The following TMPRSS9 variants were observed in gnomAD, a reference collection of about 807,000 sequenced individuals.
TMPRSS9 encodes the protein transmembrane serine protease 9, also known as transmembrane protease serine 9.
In TMPRSS9, 113 loss-of-function variants were observed where a neutral mutation model predicts 111.4. The ratio of observed to expected loss-of-function variants is 1.01; its 90% CI spans 0.87 to 1.19. The LOEUF (loss-of-function observed/expected upper bound fraction) is 1.19. TMPRSS9 is among the 50% of genes most tolerant of loss of function. TMPRSS9 has a pLI of 0.00. For missense variants in TMPRSS9, 1,803 were observed against 1,513.1 expected (o/e 1.19, Z -3.18); for synonymous variants, 805 against 659.1 (o/e 1.22, Z -3.39).
At chr19:2,408,752 G>A in intron 8 of TMPRSS9, 122 bp downstream of exon 9, 4 of 1,306,696 alleles carry the variant, frequency 3.1e-6, no homozygotes, top group East Asian at 5.0e-5. Context: ...CGAGGCGGGT[G>A]GATCACGAGG....
intron 5 of TMPRSS9, among the ~76,000 whole-genome samples, chr19:2,402,388 G>A (rs982905185): frequency 6.6e-6 from 1 of 152,108 alleles, no homozygotes; most frequent in Non-Finnish European, 1.5e-5. Flanking sequence ...GCTGCGGTGA[G>A]CTGAGATCAC....
intron 1 of TMPRSS9, among the ~76,000 whole-genome samples, chr19:2,391,029 AAGAAAGGG>A (rs751262037): frequency 1.6e-4 from 23 of 141,526 alleles, no homozygotes; most frequent in African/African-American, 2.7e-4. Context: ...GAAAGAAAGA[AAGAAAGGG>A]AGGGAGGGAG....
exon 18 of TMPRSS9, chr19:2,425,990 A>G: frequency 3.1e-6 from 5 of 1,607,136 alleles, no homozygotes; most frequent in Non-Finnish European, 3.4e-6. Flanking sequence ...AACTGGGGTC[A>G]CTAGCTGGGG....
At chr19:2,417,914 G>A (rs1318223503) in intron 12 of TMPRSS9, 88 bp from the exon 14 acceptor site, 1 of 1,529,800 alleles carries the variant, frequency 6.5e-7, no homozygotes, top group Admixed American at 1.8e-5. Flanking sequence ...GGGTGGGGAT[G>A]CTGCATCTCG....
chr19:2,376,538 CA>C (rs1970335978), intron 1 of TMPRSS9, among the ~76,000 whole-genome samples: 1 of 152,106 alleles, frequency 6.6e-6, no homozygotes, highest in South Asian at 2.1e-4. Context: ...TGGCTCACTG[CA>C]ACCTCTGCCT....
At chr19:2,371,546 A>T (rs1055493526) in intron 1 of TMPRSS9, among the ~76,000 whole-genome samples, 1 of 149,074 alleles carries the variant, frequency 6.7e-6, no homozygotes, top group Non-Finnish European at 1.5e-5. Flanking sequence ...GAAAAAAAAA[A>T]TTTAGCTGGA....
Position 2,425,144 on chromosome 19 carries a change from G to A in TMPRSS9, c.2860G>A (p.Glu954Lys), listed in dbSNP as rs536020211. The stretch of plus-strand genomic sequence containing the variant: ...GCTCGACTACGACGTGGCGCTGCTG[G>A]AGCTGGCGGGGCCGGTGCGTCGCAG... Residue 954 changes from glutamate to lysine, a missense_variant, in exon 16 of 18, where the codon GAG (glutamate) becomes AAG (lysine). Glu to Lys is a moderately conservative substitution (Grantham distance 56, BLOSUM62 1). Transcript: ENST00000648592. 1.9e-5 allele frequency: 30 copies of A among 1,579,232 alleles called. No homozygotes were observed. In the East Asian group the frequency reaches 2.3e-4, roughly 12 times the overall value.
chr19:2,414,489 C>T (rs1971175229), intron 10 of TMPRSS9, among the ~76,000 whole-genome samples: 1 of 152,088 alleles, frequency 6.6e-6, no homozygotes, highest in Non-Finnish European at 1.5e-5. Context: ...CTGCCCACCT[C>T]AGCCTCCCAA....
At chr19:2,416,913 C>T in intron 12 of TMPRSS9, 104 bp downstream of exon 13, 2 of 1,370,752 alleles carry the variant, frequency 1.5e-6, no homozygotes, top group Non-Finnish European at 1.9e-6. Flanking sequence ...ACCAATTCCA[C>T]TGCACAGGGA....
At chr19:2,387,838 G>A (rs986284567), upstream of TMPRSS9, among the ~76,000 whole-genome samples, 2 of 152,054 alleles carry the variant, frequency 1.3e-5, no homozygotes, top group Admixed American at 1.3e-4. Context: ...TGTGTGTGTC[G>A]CAGGGATGAT....
At chr19:2,403,621 C>G (rs868418910) in intron 6 of TMPRSS9, among the ~76,000 whole-genome samples, 6 of 151,828 alleles carry the variant, frequency 4.0e-5, no homozygotes, top group Middle Eastern at 3.4e-3. Context: ...CTTTGGGAGG[C>G]CAAGGCAGGA....
At chr19:2,368,184 TGGC>T (rs750832424) in intron 1 of TMPRSS9, among the ~76,000 whole-genome samples, 2 of 152,128 alleles carry the variant, frequency 1.3e-5, no homozygotes, top group Non-Finnish European at 2.9e-5. Context: ...AGACTGCACA[TGGC>T]GGCTGCGTTT....
upstream of TMPRSS9, among the ~76,000 whole-genome samples, chr19:2,385,187 GCGGGGGCGGGGC>G (rs1439424659): frequency 2.2e-3 from 282 of 127,964 alleles, 2 homozygotes; most frequent in African/African-American, 0.011. Flanking sequence ...GGCGGGGCTC[GCGGGGGCGGGGC>G]TCGAGGGGGC....
chr19:2,387,323 C>G (rs180812787), upstream of TMPRSS9, among the ~76,000 whole-genome samples: 1 of 152,192 alleles, frequency 6.6e-6, no homozygotes, highest in Non-Finnish European at 1.5e-5. Context: ...GGCAAAACCC[C>G]CTCTCTACTA....
intron 4 of TMPRSS9, among the ~76,000 whole-genome samples, chr19:2,400,740 G>C (rs1029035337): frequency 6.6e-6 from 1 of 151,568 alleles, no homozygotes; most frequent in Non-Finnish European, 1.5e-5. Flanking sequence ...TTGGGAGGCC[G>C]AGGTGGGTGG....
At chr19:2,411,432 C>CT (rs1971095512) in intron 9 of TMPRSS9, among the ~76,000 whole-genome samples, 1 of 129,616 alleles carries the variant, frequency 7.7e-6, no homozygotes, top group Non-Finnish European at 1.6e-5. Context: ...GAGTCTCACT[C>CT]TGTCACCCAG....
rs182367715 is a variant in TMPRSS9, at chr19:2,375,731, C to T, written c.-25-14030C>T. Among the ~76,000 whole-genome samples, 502 of 152,214 alleles carry T rather than the reference C, an allele frequency of 3.3e-3. 6 individuals are homozygous for T. The highest frequency in any genetic ancestry group is 3.4e-3 in the Non-Finnish European group (233 of 68,008). ...GGTGGCTAGCACCATGATCGACCAC[C>T]CCACCAGGACAGCAGGGATGAGGTG... On this transcript the variant is annotated intron_variant, in intron 1 of 17. Coordinates refer to the TMPRSS9 transcript ENST00000649857.
chr19:2,418,115 G>A (rs1360592593), exon 13 of TMPRSS9: 3 of 1,612,062 alleles, frequency 1.9e-6, no homozygotes, highest in East Asian at 2.2e-5. Context: ...AGGCTTCCTG[G>A]AAGGCAAAGT....
chr19:2,384,792 G>A (rs191704510), upstream of TMPRSS9, among the ~76,000 whole-genome samples: 30 of 147,322 alleles, frequency 2.0e-4, no homozygotes, highest in East Asian at 5.8e-3. Flanking sequence ...TCCAGCCTGG[G>A]CGACAGAGTA....
Sources: allele counts gnomAD v4.1 joint callset (sites outside exome capture counted in the v4.1 genomes callset), GRCh38; gene constraint gnomAD v4.1.1; transcripts MANE v1.5; gene names NCBI Gene and HGNC (gene_info 2026-07-23, HGNC 2026-07-21).